GPC6: variants seen among roughly 807,000 people sequenced by gnomAD.
GPC6 encodes the protein glypican-6.
GPC6 carries 14 observed loss-of-function variants against 55.2 expected under a neutral mutation model. The observed-to-expected ratio is 0.25, with a 90% confidence interval of 0.17 to 0.40. GPC6 has a LOEUF of 0.40. GPC6 is among the 10% of genes least tolerant of loss of function. The pLI, the probability that GPC6 is intolerant of heterozygous loss-of-function variation, is 1.00. For synonymous variants in GPC6, 278 were observed against 259.6 expected (o/e 1.07, Z -0.68); for missense variants, 641 against 708.5 (o/e 0.90, Z 1.08).
chr13:94,085,321 C>CAAAG (rs1491120853), intron 4 of GPC6, among the ~76,000 whole-genome samples: 24 of 87,078 alleles, frequency 2.8e-4, no homozygotes, highest in African/African-American at 9.9e-4. Context: ...GATTCTGTCT[C>CAAAG]AAAAAAAAAA....
At chr13:93,846,986 T>C (rs1370126946) in intron 3 of GPC6, among the ~76,000 whole-genome samples, 1 of 152,214 alleles carries the variant, frequency 6.6e-6, no homozygotes, top group Non-Finnish European at 1.5e-5. Context: ...TGATTATTCA[T>C]ACACTTTCTG....
intron 1 of GPC6, among the ~76,000 whole-genome samples, chr13:93,383,249 C>CT: frequency 6.6e-6 from 1 of 152,260 alleles, no homozygotes; most frequent in Non-Finnish European, 1.5e-5. Flanking sequence ...TCTCACTCTG[C>CT]TGTCCAGGCT....
intron 1 of GPC6, among the ~76,000 whole-genome samples, chr13:93,497,280 T>A (rs1161129178): frequency 1.3e-5 from 2 of 152,224 alleles, no homozygotes; most frequent in African/African-American, 4.8e-5. Flanking sequence ...TAACACCACT[T>A]TCTTTATCAT....
In GPC6 at chr13:94,048,872, A is replaced by G. The variant is rs144177783; in HGVS notation, c.877+20978A>G. Among the ~76,000 whole-genome samples the G allele has an allele frequency of 4.4e-3, 664 of 152,026 alleles. 6 individuals carry two copies. The highest frequency in any genetic ancestry group is 0.017 in the Middle Eastern group (5 of 294). On this transcript the variant is annotated intron_variant, in intron 4 of 8. Coordinates refer to ENST00000377047, the MANE Select transcript of GPC6 (RefSeq NM_005708.5). ...CGGTACAGCTTCTTGTTCAGTGTTT[A>G]TCTGAACCTACTTCTGGATGGCATT...
intron 1 of GPC6, among the ~76,000 whole-genome samples, chr13:93,295,276 G>A (rs543959285): frequency 8.0e-6 from 1 of 125,736 alleles, no homozygotes; most frequent in Non-Finnish European, 1.6e-5. Context: ...GGGTGGTACA[G>A]GGAGACCCTG....
intron 1 of GPC6, among the ~76,000 whole-genome samples, chr13:93,540,281 T>G (rs146665954): frequency 3.3e-5 from 5 of 152,280 alleles, no homozygotes; most frequent in African/African-American, 1.2e-4. Flanking sequence ...TTACAAAATA[T>G]TTTTATCATA....
At chr13:93,553,718 G>A (rs1875292897) in intron 2 of GPC6, among the ~76,000 whole-genome samples, 2 of 145,392 alleles carry the variant, frequency 1.4e-5, no homozygotes, top group Non-Finnish European at 3.0e-5. Context: ...AAAAAAAAAG[G>A]AGAGGAATGA....
At chr13:94,126,748 C>A (rs549056377) in intron 4 of GPC6, among the ~76,000 whole-genome samples, 3 of 152,084 alleles carry the variant, frequency 2.0e-5, no homozygotes, top group African/African-American at 4.8e-5. Context: ...GACCTGTACA[C>A]TTTTTCTGTG....
intron 4 of GPC6, among the ~76,000 whole-genome samples, chr13:94,178,944 T>C (rs762111009): frequency 6.6e-6 from 1 of 152,192 alleles, no homozygotes; most frequent in Non-Finnish European, 1.5e-5. Context: ...AGCAAACACT[T>C]GGCTGGAGCT....
intron 4 of GPC6, among the ~76,000 whole-genome samples, chr13:94,253,478 C>A (rs1891418385): frequency 6.6e-6 from 1 of 151,978 alleles, no homozygotes; most frequent in Admixed American, 6.6e-5. Context: ...AAAAACAAAG[C>A]TATCATGATG....
At chr13:94,386,161 C>T (rs1173154230) in intron 7 of GPC6, among the ~76,000 whole-genome samples, 1 of 151,580 alleles carries the variant, frequency 6.6e-6, no homozygotes, top group Non-Finnish European at 1.5e-5. Flanking sequence ...AGATCGAGAC[C>T]ATCCTGGCTA....
intron 4 of GPC6, among the ~76,000 whole-genome samples, chr13:94,029,178 C>G (rs1594678571): frequency 1.3e-5 from 2 of 152,258 alleles, no homozygotes; most frequent in East Asian, 3.9e-4. Flanking sequence ...GGCCTCAGCT[C>G]TGATAATGAA....
chr13:93,286,592 G>T (rs1878134201), intron 1 of GPC6, among the ~76,000 whole-genome samples: 1 of 152,146 alleles, frequency 6.6e-6, no homozygotes, highest in African/African-American at 2.4e-5. Flanking sequence ...TTTGTGTTCT[G>T]ATAATTTTTA....
chr13:93,703,769 A>G (rs1003432321), intron 2 of GPC6, among the ~76,000 whole-genome samples: 2 of 151,966 alleles, frequency 1.3e-5, no homozygotes, highest in Non-Finnish European at 1.5e-5. Flanking sequence ...TGGTACTTTG[A>G]AGACTTATCC....
At chr13:93,652,867 A>G (rs1197091438) in intron 2 of GPC6, among the ~76,000 whole-genome samples, 3 of 152,228 alleles carry the variant, frequency 2.0e-5, no homozygotes, top group Non-Finnish European at 2.9e-5. Flanking sequence ...GACTTTCGGT[A>G]TAAAAATACA....
In GPC6 at chr13:94,351,962, CAAAAAAAAA is replaced by C. The variant is rs60206836; in HGVS notation, c.1153-30440_1153-30432del. 1.3e-4 allele frequency among the ~76,000 whole-genome samples: 13 copies of C among 101,520 alleles called. 1 individual carries two copies. The highest frequency in any genetic ancestry group is 3.1e-4 in the East Asian group (1 of 3,184). The allele number at this position is 101,520 out of a possible 152,430, so 66.6% of individuals were successfully genotyped here. ...GGCAAGGAGAGGAGAGAGAAGAAGG[CAAAAAAAAA>C]AAAAAAAAAAAGAAAAAGAAAAAAA... On this transcript the variant is annotated intron_variant, in intron 6 of 8. Coordinates refer to ENST00000377047, the MANE Select transcript of GPC6 (RefSeq NM_005708.5).
At chr13:94,263,512 C>T (rs1891710597) in intron 4 of GPC6, among the ~76,000 whole-genome samples, 1 of 152,162 alleles carries the variant, frequency 6.6e-6, no homozygotes, top group Non-Finnish European at 1.5e-5. Context: ...TTTTTCTCTT[C>T]TATCCCAGTA....
intron 1 of GPC6, among the ~76,000 whole-genome samples, chr13:93,413,418 T>G (rs2139247976): frequency 6.6e-6 from 1 of 152,262 alleles, no homozygotes; most frequent in South Asian, 2.1e-4. Flanking sequence ...GACTACCTAC[T>G]ACATGATATG....
intron 2 of GPC6, among the ~76,000 whole-genome samples, chr13:93,792,982 C>A (rs777234589): frequency 6.6e-6 from 1 of 152,138 alleles, no homozygotes; most frequent in Non-Finnish European, 1.5e-5. Context: ...TACCTCTCAT[C>A]CATAAAACGA....
Sources: allele counts gnomAD v4.1 joint callset (sites outside exome capture counted in the v4.1 genomes callset), GRCh38; gene constraint gnomAD v4.1.1; transcripts MANE v1.5; gene names NCBI Gene and HGNC (gene_info 2026-07-23, HGNC 2026-07-21).